CDH12: variants seen among roughly 807,000 people sequenced by gnomAD.
The protein encoded by CDH12 is cadherin 12.
Under a neutral mutation model 74.1 loss-of-function variants are expected in CDH12, and 41 were observed. The observed-to-expected ratio is 0.55, with a 90% confidence interval of 0.43 to 0.72. The LOEUF is 0.72. CDH12 is among the 30% of genes least tolerant of loss of function. CDH12 has a pLI of 0.00. For missense variants in CDH12, 945 were observed against 977.2 expected (o/e 0.97, Z 0.44); for synonymous variants, 399 against 355.0 (o/e 1.12, Z -1.39).
At chr5:22,359,767 T>C (rs1740718857) in intron 3 of CDH12, among the ~76,000 whole-genome samples, 1 of 152,066 alleles carries the variant, frequency 6.6e-6, no homozygotes, top group Non-Finnish European at 1.5e-5. Context: ...GAACTCAGGA[T>C]TTAGAAATTC....
intron 6 of CDH12, among the ~76,000 whole-genome samples, chr5:21,974,058 A>G (rs1193424012): frequency 6.6e-6 from 1 of 152,090 alleles, no homozygotes; most frequent in Non-Finnish European, 1.5e-5. Flanking sequence ...TTTCAAGTGC[A>G]TTATAGTAAA....
In CDH12 at chr5:22,622,499, G is replaced by A. The variant is rs181810149; in HGVS notation, c.-522-117135C>T. ...AAATGATAAAGAGGATATCACCACC[G>A]ATCCCACAGAAATACAAACTACCAT... is the stretch of plus-strand genomic sequence containing the variant. On this transcript the variant is annotated intron_variant, in intron 1 of 14. Coordinates refer to ENST00000382254, the MANE Select transcript of CDH12 (RefSeq NM_004061.5). Among the ~76,000 whole-genome samples, 12 of 152,150 alleles carry A rather than the reference G, an allele frequency of 7.9e-5. No individual in the cohort carries two copies. In the South Asian group the frequency reaches 1.5e-3, roughly 18 times the overall value.
chr5:22,319,935 A>G (rs1474851281), intron 3 of CDH12, among the ~76,000 whole-genome samples: 1 of 152,098 alleles, frequency 6.6e-6, no homozygotes, highest in Non-Finnish European at 1.5e-5. Flanking sequence ...AAAAAGGGGA[A>G]GAGACGGGAG....
intron 1 of CDH12, among the ~76,000 whole-genome samples, chr5:22,759,543 C>T (rs1746101061): frequency 6.6e-6 from 1 of 152,128 alleles, no homozygotes; most frequent in Admixed American, 6.5e-5. Context: ...CCTCTCTAGC[C>T]CCTCAATCCA....
chr5:22,622,922 T>C (rs1183667203), intron 1 of CDH12, among the ~76,000 whole-genome samples: 1 of 152,186 alleles, frequency 6.6e-6, no homozygotes, highest in African/African-American at 2.4e-5. Context: ...AAATCCTCAA[T>C]AAAATACTGG....
chr5:22,022,731 C>G (rs767252187), intron 5 of CDH12, among the ~76,000 whole-genome samples: 16 of 152,072 alleles, frequency 1.1e-4, no homozygotes, highest in Admixed American at 5.9e-4. Flanking sequence ...CTTGCTCACC[C>G]TATATAACTT....
chr5:22,166,955 G>A (rs915976181), intron 4 of CDH12, among the ~76,000 whole-genome samples: 8 of 152,066 alleles, frequency 5.3e-5, no homozygotes, highest in African/African-American at 1.9e-4. Context: ...TGTTTCTTCA[G>A]TTTCAGAAGA....
intron 6 of CDH12, chr5:21,889,479 T>C (rs1276701646): frequency 3.3e-6 from 2 of 607,372 alleles, no homozygotes; most frequent in African/African-American, 4.0e-5. Context: ...GACATTGCCT[T>C]TGTGGGGCTT....
intron 1 of CDH12, among the ~76,000 whole-genome samples, chr5:22,619,212 C>T (rs771718627): frequency 1.3e-5 from 2 of 152,024 alleles, no homozygotes; most frequent in African/African-American, 2.4e-5. Context: ...CCATACTATA[C>T]TGCTTTTGGG....
chr5:21,813,679 T>C, intron 9 of CDH12, among the ~76,000 whole-genome samples: 1 of 152,150 alleles, frequency 6.6e-6, no homozygotes, highest in South Asian at 2.1e-4. Flanking sequence ...TCTTGCCTAG[T>C]ACACTCCCAA....
At chr5:22,654,882 C>T (rs928192948) in intron 1 of CDH12, among the ~76,000 whole-genome samples, 1 of 152,094 alleles carries the variant, frequency 6.6e-6, no homozygotes, top group Admixed American at 6.5e-5. Flanking sequence ...CTGCCTGCCT[C>T]AGCCTCTCAA....
intron 11 of CDH12, among the ~76,000 whole-genome samples, chr5:21,777,241 A>G (rs1166695681): frequency 6.6e-6 from 1 of 152,170 alleles, no homozygotes; most frequent in Non-Finnish European, 1.5e-5. Flanking sequence ...CTGGTAATTC[A>G]CATTTATTGA....
intron 4 of CDH12, among the ~76,000 whole-genome samples, chr5:22,123,390 C>T (rs1212010448): frequency 6.6e-6 from 1 of 152,130 alleles, no homozygotes; most frequent in Non-Finnish European, 1.5e-5. Flanking sequence ...CTATAGCAGT[C>T]CCCAAAACTA....
intron 1 of CDH12, among the ~76,000 whole-genome samples, chr5:22,547,325 G>A (rs927568643): frequency 6.6e-6 from 1 of 152,118 alleles, no homozygotes; most frequent in African/African-American, 2.4e-5. Flanking sequence ...AGAGACATGG[G>A]TAAGTATCTC....
chr5:21,788,897 G>A (rs1362609227), intron 10 of CDH12, among the ~76,000 whole-genome samples: 2 of 151,696 alleles, frequency 1.3e-5, no homozygotes, highest in East Asian at 1.9e-4. Context: ...TTGATATAAT[G>A]GTATTTGCAT....
At chr5:22,654,164 C>T (rs1197421061) in intron 1 of CDH12, among the ~76,000 whole-genome samples, 2 of 147,792 alleles carry the variant, frequency 1.4e-5, no homozygotes, top group Admixed American at 1.4e-4. Flanking sequence ...TTCCTTCCCT[C>T]CCTTCCTTCC....
intron 1 of CDH12, among the ~76,000 whole-genome samples, chr5:22,748,157 A>T (rs930012312): frequency 6.6e-6 from 1 of 152,212 alleles, no homozygotes; most frequent in African/African-American, 2.4e-5. Context: ...AAAAATAAGT[A>T]TTTTTTAAAT....
At chr5:22,516,911 A>T (rs1039971809) in intron 1 of CDH12, among the ~76,000 whole-genome samples, 1 of 152,180 alleles carries the variant, frequency 6.6e-6, no homozygotes, top group Non-Finnish European at 1.5e-5. Context: ...GAGGTGTTAA[A>T]AAATGAATGG....
chr5:22,440,772 A>G (rs944627798), intron 2 of CDH12, among the ~76,000 whole-genome samples: 4 of 152,106 alleles, frequency 2.6e-5, no homozygotes, highest in Admixed American at 2.6e-4. Flanking sequence ...TAGAACGCTT[A>G]TAGTTATATT....
Sources: allele counts gnomAD v4.1 joint callset (sites outside exome capture counted in the v4.1 genomes callset), GRCh38; gene constraint gnomAD v4.1.1; transcripts MANE v1.5; gene names NCBI Gene and HGNC (gene_info 2026-07-23, HGNC 2026-07-21).